The following UBE2W variants were observed in gnomAD, a reference collection of about 807,000 sequenced individuals.
The protein encoded by UBE2W is ubiquitin conjugating enzyme E2 W.
Under a neutral mutation model 27.2 loss-of-function variants are expected in UBE2W, and 18 were observed. The ratio of observed to expected loss-of-function variants is 0.66; its 90% confidence interval spans 0.46 to 0.98. UBE2W has a LOEUF of 0.98. UBE2W is among the 50% of genes least tolerant of loss of function. The pLI is 0.00. For missense variants in UBE2W, 90 were observed against 180.2 expected, an observed-to-expected ratio of 0.50 and a Z score of 2.87; for synonymous variants, 53 against 57.2, an observed-to-expected ratio of 0.93 and a Z score of 0.33.
chr8:73,821,979 C>T (rs1341293500), intron 3 of UBE2W, among the ~76,000 whole-genome samples: 2 of 152,186 alleles, frequency 1.3e-5, no homozygotes, highest in African/African-American at 4.8e-5. Context: ...GCAGGCCATA[C>T]ATTTCAATCC....
At chr8:73,818,428 G>A (rs369439151) in intron 3 of UBE2W, among the ~76,000 whole-genome samples, 1 of 152,192 alleles carries the variant, frequency 6.6e-6, no homozygotes, top group South Asian at 2.1e-4. Flanking sequence ...ACAACAGCCA[G>A]ACTGTTCCTT....
chr8:73,853,975 C>T (rs1811181437), intron 1 of UBE2W, among the ~76,000 whole-genome samples: 1 of 151,872 alleles, frequency 6.6e-6, no homozygotes, highest in Non-Finnish European at 1.5e-5. Flanking sequence ...ATAGTAAGAC[C>T]CCCATCTTTA....
At chr8:73,855,242 A>G (rs891010164) in intron 1 of UBE2W, among the ~76,000 whole-genome samples, 4 of 152,202 alleles carry the variant, frequency 2.6e-5, no homozygotes, top group Non-Finnish European at 4.4e-5. Context: ...TGTGATATGC[A>G]ATTTAAATGC....
chr8:73,786,903 G>C lies in UBE2W; in HGVS notation c.*7199C>G. On this transcript the variant is annotated 3_prime_UTR_variant, in exon 6 of 6. Coordinates refer to ENST00000602593, the MANE Select transcript of UBE2W (RefSeq NM_018299.6). ...GATAAAAGAAATATGTTTTCATTGA[G>C]GTATGGAAACATAAAATTTTAATGT... is the stretch of plus-strand genomic sequence containing the variant. 1 of 985,178 alleles carries C rather than the reference G, an allele frequency of 1.0e-6. No homozygotes were observed. The highest frequency in any genetic ancestry group is 1.2e-6 in the Non-Finnish European group (1 of 829,764). The allele number at this position is 985,178 out of a possible 1,614,324, so 61.0% of individuals were successfully genotyped here. A position where few individuals can be genotyped will look rare whatever the true frequency, so the allele number is the denominator to read the frequency against.
intron 3 of UBE2W, among the ~76,000 whole-genome samples, chr8:73,823,946 A>AT (rs1310476184): frequency 6.6e-6 from 1 of 152,196 alleles, no homozygotes; most frequent in Non-Finnish European, 1.5e-5. Context: ...TTTTCCTCCA[A>AT]ATAGTACATT....
At chr8:73,804,395 A>G (rs1051982259) in intron 5 of UBE2W, among the ~76,000 whole-genome samples, 2 of 152,116 alleles carry the variant, frequency 1.3e-5, no homozygotes, top group African/African-American at 4.8e-5. Context: ...TGAAGAATAC[A>G]GACTTTTTGT....
chr8:73,820,449 A>G (rs1016610299), intron 3 of UBE2W, among the ~76,000 whole-genome samples: 1 of 152,162 alleles, frequency 6.6e-6, no homozygotes, highest in Admixed American at 6.5e-5. Context: ...ATTAACTGAT[A>G]TTAAAAAGGA....
intron 1 of UBE2W, among the ~76,000 whole-genome samples, chr8:73,843,088 T>C (rs542898447): frequency 4.9e-4 from 74 of 152,128 alleles, no homozygotes; most frequent in Non-Finnish European, 8.2e-4. Context: ...AGACCACATA[T>C]TGTATGATAT....
intron 2 of UBE2W, among the ~76,000 whole-genome samples, chr8:73,828,131 T>G (rs897515797): frequency 6.6e-6 from 1 of 152,124 alleles, no homozygotes; most frequent in African/African-American, 2.4e-5. Context: ...CACGTGTTGT[T>G]CTCTCAATTA....
intron 1 of UBE2W, among the ~76,000 whole-genome samples, chr8:73,836,419 C>T (rs1372271598): frequency 1.3e-5 from 2 of 152,182 alleles, no homozygotes; most frequent in Non-Finnish European, 2.9e-5. Flanking sequence ...AAAGGTCAAG[C>T]AATGTGTAGT....
chr8:73,786,877 G>C lies in UBE2W; in HGVS notation c.*7225C>G, dbSNP rs1477525386. On this transcript the variant is annotated 3_prime_UTR_variant, in exon 6 of 6. Transcript: ENST00000602593. ...ATGGGAATGTCATTAAATTATAACA[G>C]GATAAAAGAAATATGTTTTCATTGA... The C allele has an allele frequency of 8.9e-5, 88 of 985,060 alleles. No homozygotes were observed. Among genetic ancestry groups the C allele is most frequent in the Non-Finnish European group, 1.0e-4 (87 of 829,786 alleles). 61.0% of individuals were successfully genotyped at this position (985,060 alleles called of 1,614,324 possible).
chr8:73,825,333 T>C (rs1809791750), intron 2 of UBE2W, 84 bp from the exon 3 acceptor site: 1 of 897,686 alleles, frequency 1.1e-6, no homozygotes, highest in East Asian at 2.6e-5. Flanking sequence ...GTACTTCCTA[T>C]ACACTAAGCA....
intron 1 of UBE2W, among the ~76,000 whole-genome samples, chr8:73,873,313 G>A (rs184605372): frequency 6.6e-6 from 1 of 152,284 alleles, no homozygotes. Flanking sequence ...AGTAATGTCT[G>A]TAAGAGTCCA....
At chr8:73,781,171 G>A (rs1159583408) in intron 4 of UBE2W, among the ~76,000 whole-genome samples, 3 of 151,334 alleles carry the variant, frequency 2.0e-5, no homozygotes, top group African/African-American at 7.3e-5. Flanking sequence ...TTAGGAGGCT[G>A]AGGCAGGAGA....
intron 2 of UBE2W, among the ~76,000 whole-genome samples, chr8:73,827,123 G>C (rs1026918216): frequency 2.6e-5 from 4 of 152,156 alleles, no homozygotes; most frequent in African/African-American, 9.7e-5. Context: ...AAAGAGCTAA[G>C]CAAGTATCTC....
intron 1 of UBE2W, among the ~76,000 whole-genome samples, chr8:73,871,267 G>C (rs1811998971): frequency 6.6e-6 from 1 of 152,194 alleles, no homozygotes; most frequent in Non-Finnish European, 1.5e-5. Context: ...CTGTAGGGTG[G>C]AATGAACCCA....
chr8:73,858,976 T>C (rs1811423758), intron 1 of UBE2W, among the ~76,000 whole-genome samples: 1 of 87,338 alleles, frequency 1.1e-5, no homozygotes, highest in Admixed American at 1.4e-4. Context: ...CAGGGGGTTT[T>C]TGCGTGTGTG....
At chr8:73,796,072 A>AG (rs1808401826) in intron 5 of UBE2W, among the ~76,000 whole-genome samples, 1 of 149,428 alleles carries the variant, frequency 6.7e-6, no homozygotes, top group African/African-American at 2.5e-5. Flanking sequence ...AAAAAAAAAA[A>AG]AAAAAAAAAA....
At chr8:73,842,463 A>G (rs1344311594) in intron 1 of UBE2W, among the ~76,000 whole-genome samples, 1 of 131,168 alleles carries the variant, frequency 7.6e-6, no homozygotes. Flanking sequence ...CGGGAGGTGG[A>G]GCTTGCAGTG....
Sources: allele counts gnomAD v4.1 joint callset (sites outside exome capture counted in the v4.1 genomes callset), GRCh38; gene constraint gnomAD v4.1.1; transcripts MANE v1.5; gene names NCBI Gene and HGNC (gene_info 2026-07-23, HGNC 2026-07-21).